The following TNR variants were observed in gnomAD, a reference collection of about 807,000 sequenced individuals.
TNR encodes tenascin-R.
A neutral mutation model predicts 150.4 loss-of-function variants in TNR; 45 were observed. The observed-to-expected ratio is 0.30, with a 90% CI of 0.24 to 0.38. The LOEUF (loss-of-function observed/expected upper bound fraction) is 0.38. TNR is among the 10% of genes least tolerant of loss of function. The probability of loss-of-function intolerance (pLI) is 1.00; values close to 1 mark genes in which losing one functional copy is unlikely to be tolerated. For missense variants in TNR, 1,544 were observed against 1,759.1 expected, an observed-to-expected ratio of 0.88 and a Z score of 2.19; for synonymous variants, 687 against 678.4, an observed-to-expected ratio of 1.01 and a Z score of -0.20.
chr1:175,724,993 G>A (rs1201201342), intron 1 of TNR, among the ~76,000 whole-genome samples: 4 of 152,320 alleles, frequency 2.6e-5, no homozygotes, highest in Admixed American at 2.6e-4. Flanking sequence ...GGCAAAGCTA[G>A]AGAGAGAAAC....
chr1:175,388,575 T>C (rs1040144598), intron 7 of TNR, among the ~76,000 whole-genome samples: 24 of 152,214 alleles, frequency 1.6e-4, no homozygotes, highest in African/African-American at 5.8e-4. Context: ...GAGCCAACCG[T>C]CTATTTTGTA....
intron 1 of TNR, among the ~76,000 whole-genome samples, chr1:175,536,146 G>T (rs1159384514): frequency 6.6e-6 from 1 of 152,078 alleles, no homozygotes; most frequent in African/African-American, 2.4e-5. Context: ...TATTTTGATA[G>T]CAATATTTCA....
intron 1 of TNR, among the ~76,000 whole-genome samples, chr1:175,632,296 C>T (rs1209131191): frequency 6.6e-6 from 1 of 152,212 alleles, no homozygotes; most frequent in Non-Finnish European, 1.5e-5. Flanking sequence ...TCTCTCTGTT[C>T]CCAAGGCTCC....
chr1:175,696,217 G>GT (rs5778870), intron 1 of TNR, among the ~76,000 whole-genome samples: 6,001 of 40,088 alleles, frequency 0.15, 582 homozygotes, highest in Non-Finnish European at 0.19. Context: ...CCTTCCTGTA[G>GT]TTTTTTTTTT....
At chr1:175,653,264 G>A (rs900820717) in intron 1 of TNR, among the ~76,000 whole-genome samples, 2 of 152,166 alleles carry the variant, frequency 1.3e-5, no homozygotes, top group Admixed American at 6.5e-5. Context: ...TCTGTCCTAG[G>A]AAATGAGATG....
intron 1 of TNR, among the ~76,000 whole-genome samples, chr1:175,739,397 C>T (rs983322821): frequency 2.0e-5 from 3 of 152,092 alleles, no homozygotes; most frequent in Non-Finnish European, 4.4e-5. Context: ...TCCAGTGGCC[C>T]TTAAATGAGG....
At chr1:175,365,495 T>TGATTAACTC (rs1651793785) in intron 11 of TNR, among the ~76,000 whole-genome samples, 18 of 152,328 alleles carry the variant, frequency 1.2e-4, no homozygotes, top group Admixed American at 3.9e-4. Flanking sequence ...AAATGAGAAC[T>TGATTAACTC]ACTTCTGTGA....
At chr1:175,740,130 C>T (rs1043551705) in intron 1 of TNR, among the ~76,000 whole-genome samples, 17 of 152,206 alleles carry the variant, frequency 1.1e-4, no homozygotes, top group Non-Finnish European at 2.4e-4. Context: ...TACCCAGTAA[C>T]AATAGCCTCA....
chr1:175,515,920 A>G (rs1659387166), intron 2 of TNR, among the ~76,000 whole-genome samples: 1 of 152,198 alleles, frequency 6.6e-6, no homozygotes, highest in Non-Finnish European at 1.5e-5. Context: ...AGTATGAAGA[A>G]AATAGTAGGA....
rs550604608 is a variant in TNR at position 175,671,772 on chromosome 1, C to G, written c.-165+71454G>C. Reference sequence around the variant, plus strand: ...TACAAGGGAGTGAAGCAAGGCTTACCTCCAGGAACTGATCCTACTAGGCAC... The same window carrying G: ...TACAAGGGAGTGAAGCAAGGCTTACGTCCAGGAACTGATCCTACTAGGCAC... On this transcript the variant is annotated intron_variant, in intron 1 of 22. Transcript: ENST00000367674. Among the ~76,000 whole-genome samples the G allele has an allele frequency of 3.9e-5, 6 of 152,206 alleles. No individual in the cohort carries two copies. The East Asian group carries it at 1.2e-3, about 29-fold the overall frequency.
chr1:175,401,094 C>A (rs901897253), intron 4 of TNR, among the ~76,000 whole-genome samples: 2 of 152,174 alleles, frequency 1.3e-5, no homozygotes, highest in African/African-American at 4.8e-5. Context: ...TCAGAGGTAA[C>A]GTGCTCATAG....
intron 1 of TNR, among the ~76,000 whole-genome samples, chr1:175,695,355 C>T (rs1407856681): frequency 2.0e-5 from 3 of 152,066 alleles, no homozygotes; most frequent in Admixed American, 2.0e-4. Context: ...ATTATGGCAG[C>T]TCTTGCCAGT....
chr1:175,379,624 G>C lies in TNR; in HGVS notation c.1891C>G (p.Leu631Val). 1 of 1,614,178 alleles carries C rather than the reference G, an allele frequency of 6.2e-7. No individual in the cohort carries two copies. Among genetic ancestry groups the C allele is most frequent in the South Asian group, 1.1e-5 (1 of 91,078 alleles). Residue 631 changes from leucine (L) to valine (V), a missense_variant, in exon 9 of 23, where the codon CTG (leucine) becomes GTG (valine). Around this residue, in one of 2 missense-constraint regions of TNR, gnomAD observed 1,254 missense variants for 1,329.4 expected, o/e 0.94. Coordinates refer to ENST00000367674, the MANE Select transcript of TNR (RefSeq NM_003285.3). ...ACCTCATGATATTGCTCACCCGCCA[G>C]GGTGCTGTACACAACCTTGTACTCC... ...VQEYKVVYST[L>V]AGEQYHEVLV...
intron 2 of TNR, among the ~76,000 whole-genome samples, chr1:175,485,238 C>T (rs1373359951): frequency 6.6e-6 from 1 of 152,166 alleles, no homozygotes; most frequent in Non-Finnish European, 1.5e-5. Flanking sequence ...GGTGGATTCA[C>T]TGAGTCCACC....
At chr1:175,376,005 T>C (rs1483242320) in intron 9 of TNR, among the ~76,000 whole-genome samples, 1 of 152,118 alleles carries the variant, frequency 6.6e-6, no homozygotes, top group Non-Finnish European at 1.5e-5. Flanking sequence ...GAAGCTGGTC[T>C]CCCCCCTGAG....
At position 175,507,003 on chromosome 1, in the gene TNR, C is replaced by T. The variant is rs144679845; in HGVS notation, c.-64+21266G>A. On this transcript the variant is annotated intron_variant, in intron 2 of 22. Transcript: ENST00000367674. ...GGTGCGTGTCACAACAGGGAGTGTG[C>T]GGGCCACAGGGTCCTGGTGGCACAG... Among the ~76,000 whole-genome samples the T allele has an allele frequency of 8.5e-3, 1,296 of 152,166 alleles. 22 individuals are homozygous for T. The highest frequency in any genetic ancestry group is 0.029 in the African/African-American group (1,213 of 41,494).
At chr1:175,459,983 A>C (rs1187330140) in intron 2 of TNR, among the ~76,000 whole-genome samples, 3 of 152,188 alleles carry the variant, frequency 2.0e-5, no homozygotes, top group Admixed American at 2.0e-4. Flanking sequence ...CCGATTCAGC[A>C]TGTGTGGGTG....
intron 2 of TNR, among the ~76,000 whole-genome samples, chr1:175,525,868 T>C (rs1364026286): frequency 6.6e-6 from 1 of 152,214 alleles, no homozygotes; most frequent in East Asian, 1.9e-4. Context: ...ATCGTGTTTT[T>C]AGGAGTTTCA....
chr1:175,427,697 CCTTCCTTCCCTT>C (rs1358198101), intron 2 of TNR, among the ~76,000 whole-genome samples: 2 of 133,042 alleles, frequency 1.5e-5, no homozygotes, highest in Non-Finnish European at 3.2e-5. Flanking sequence ...TTCCTTCCTT[CCTTCCTTCCCTT>C]CTTCCCTCCT....
Sources: allele counts gnomAD v4.1 joint callset (sites outside exome capture counted in the v4.1 genomes callset), GRCh38; gene constraint gnomAD v4.1.1; regional missense constraint gnomAD v4.1.1; transcripts MANE v1.5; gene names NCBI Gene and HGNC (gene_info 2026-07-23, HGNC 2026-07-21).